The following USP25 variants were observed in gnomAD, a reference collection of about 807,000 sequenced individuals.
USP25 encodes the protein ubiquitin carboxyl-terminal hydrolase 25.
USP25 carries 85 observed loss-of-function variants against 158.5 expected under a neutral mutation model. That is an observed-to-expected ratio of 0.54 (90% CI 0.45 to 0.64). USP25 has a LOEUF of 0.64. USP25 is among the 30% of genes least tolerant of loss of function. The pLI is 0.00. For synonymous variants in USP25, 464 were observed against 460.4 expected (o/e 1.01, Z -0.10); for missense variants, 1,242 against 1,327.3 (o/e 0.94, Z 1.00).
At chr21:15,762,606 A>G (rs1425061664) in intron 1 of USP25, among the ~76,000 whole-genome samples, 1 of 152,208 alleles carries the variant, frequency 6.6e-6, no homozygotes, top group Non-Finnish European at 1.5e-5. Context: ...GAGGGGATGA[A>G]GAAAAGGACA....
intron 2 of USP25, among the ~76,000 whole-genome samples, chr21:15,763,636 A>G (rs2033866667): frequency 6.6e-6 from 1 of 152,176 alleles, no homozygotes; most frequent in Non-Finnish European, 1.5e-5. Flanking sequence ...TATTACTACT[A>G]TAGGCTAAAA....
intron 20 of USP25, among the ~76,000 whole-genome samples, chr21:15,855,049 T>C (rs908637667): frequency 2.0e-5 from 3 of 152,134 alleles, no homozygotes; most frequent in African/African-American, 7.2e-5. Context: ...AAACAAAATA[T>C]TTTCAAAGTA....
chr21:15,858,664 A>T (rs907494204), intron 20 of USP25, among the ~76,000 whole-genome samples: 1 of 151,820 alleles, frequency 6.6e-6, no homozygotes, highest in African/African-American at 2.4e-5. Context: ...TATTGCGGTG[A>T]TCAGAAATTT....
At chr21:15,868,142 C>T (rs1330075557) in intron 22 of USP25, among the ~76,000 whole-genome samples, 3 of 152,216 alleles carry the variant, frequency 2.0e-5, no homozygotes, top group African/African-American at 7.2e-5. Context: ...ATTCCATATG[C>T]AAAAATTCAT....
intron 9 of USP25, 80 bp from the exon 10 acceptor site, chr21:15,818,618 A>C (rs2037070438): frequency 8.1e-7 from 1 of 1,241,598 alleles, no homozygotes; most frequent in Non-Finnish European, 1.1e-6. Flanking sequence ...TTTCAGGTTC[A>C]GGTGAGAATC....
In USP25 at chr21:15,870,094, C is replaced by G. The variant is rs1217249214; in HGVS notation, c.2832C>G (p.Phe944Leu). The change falls in exon 23 of 26, where the codon TTC (phenylalanine) becomes TTG (leucine). Residue 944 changes from phenylalanine to leucine, a missense_variant. Phe to Leu is a conservative substitution (Grantham distance 22). Transcript: ENST00000400183. The part of the protein sequence containing the change: ...YEEWHQDYRK[F>L]RETTMYLIIG... ...AGTGGCATCAGGATTATAGGAAATT[C>G]AGGGAAACAACTATGTATCTCATAA... 6 of 1,609,584 alleles carry G rather than the reference C, an allele frequency of 3.7e-6. No individual in the cohort carries two copies. Among genetic ancestry groups the G allele is most frequent in the Non-Finnish European group, 4.2e-6 (5 of 1,178,004 alleles).
chr21:15,774,623 T>C, intron 3 of USP25, among the ~76,000 whole-genome samples: 1 of 152,204 alleles, frequency 6.6e-6, no homozygotes, highest in Non-Finnish European at 1.5e-5. Flanking sequence ...CATTTTACAC[T>C]AGTTGTTAGC....
At chr21:15,818,335 G>A (rs1450366312) in intron 9 of USP25, among the ~76,000 whole-genome samples, 3 of 152,094 alleles carry the variant, frequency 2.0e-5, no homozygotes, top group African/African-American at 7.2e-5. Context: ...TGGGTATAAT[G>A]TTTTTTAAAT....
Position 15,826,996 on chromosome 21 carries a change from GC to G in USP25, c.1489del (p.Leu497TyrfsTer21). On this transcript the variant is annotated frameshift_variant, in exon 14 of 26. Coordinates refer to ENST00000400183, the MANE Select transcript of USP25 (RefSeq NM_001283041.3). LOFTEE classifies it high-confidence loss of function. The surrounding 1 kb of genome is among the most constrained non-coding windows in gnomAD (Gnocchi z 4.8). ...TLPSTTEQQG[A>X]LSSELPSTSP... Reference sequence around the variant, plus strand: ...ATACAGCACAACAGAACAACAGGGAGCCCTATCTTCAGAACTGCCAAGCACA... The same window carrying G: ...ATACAGCACAACAGAACAACAGGGAGCCTATCTTCAGAACTGCCAAGCACA... 1 of 1,613,822 alleles carries G rather than the reference GC, an allele frequency of 6.2e-7. No homozygotes were observed. Among genetic ancestry groups the G allele is most frequent in the Non-Finnish European group, 8.5e-7 (1 of 1,180,006 alleles).
chr21:15,845,978 G>A (rs139018616), intron 18 of USP25, among the ~76,000 whole-genome samples: 14 of 151,158 alleles, frequency 9.3e-5, no homozygotes, highest in Admixed American at 2.6e-4. Context: ...TAGAACAGCC[G>A]TTACATACCT....
rs149686072 is a variant in USP25, at chr21:15,806,263, A to C, written c.780+1005A>C. ...AAACCATCATTTTCGGGCATTCAGCATTCCTTCTGGTTCTAAATGTGTTTT... is the reference window on the plus strand; with the variant it reads ...AAACCATCATTTTCGGGCATTCAGCCTTCCTTCTGGTTCTAAATGTGTTTT... On this transcript the variant is annotated intron_variant, in intron 7 of 25. Coordinates refer to ENST00000400183, the MANE Select transcript of USP25 (RefSeq NM_001283041.3). Among the ~76,000 whole-genome samples, 245 of 152,160 alleles carry C rather than the reference A, an allele frequency of 1.6e-3. 2 individuals carry two copies. Among genetic ancestry groups the C allele is most frequent in the African/African-American group, 5.8e-3 (239 of 41,526 alleles).
At chr21:15,773,849 A>C (rs1238923060) in intron 3 of USP25, among the ~76,000 whole-genome samples, 1 of 152,208 alleles carries the variant, frequency 6.6e-6, no homozygotes, top group African/African-American at 2.4e-5. Context: ...ACATTTGCTG[A>C]AACAAAATGG....
chr21:15,872,135 AC>A (rs2039921169), intron 23 of USP25, among the ~76,000 whole-genome samples: 1 of 151,286 alleles, frequency 6.6e-6, no homozygotes, highest in Non-Finnish European at 1.5e-5. Flanking sequence ...GAAAATGTAA[AC>A]ATTTAAAGGC....
rs192695000 is a variant in USP25 at position 15,734,429 on chromosome 21, A to C, written c.45+3991A>C. Among the ~76,000 whole-genome samples, 308 of 152,310 alleles carry C rather than the reference A, an allele frequency of 2.0e-3. 2 individuals are homozygous for C. Among genetic ancestry groups the C allele is most frequent in the African/African-American group, 7.3e-3 (303 of 41,560 alleles). On this transcript the variant is annotated intron_variant, in intron 1 of 25. Coordinates refer to ENST00000400183, the MANE Select transcript of USP25 (RefSeq NM_001283041.3). ...TTATTAGGAATCAGTTGATTATCTT[A>C]TTATTAGTATAAGACTTGATTTGGG...
At position 15,809,657 on chromosome 21, in the gene USP25, C is replaced by G. The variant is rs530340537; in HGVS notation, c.857+772C>G. Among the ~76,000 whole-genome samples, 4 of 152,116 alleles carry G rather than the reference C, an allele frequency of 2.6e-5. No homozygotes were observed. In the East Asian group the frequency reaches 7.7e-4, roughly 29 times the overall value. On this transcript the variant is annotated intron_variant, in intron 8 of 25. Transcript: ENST00000400183. ...AGCAATTCTGCTTCTTGGTGTATAT[C>G]CAAAAGAATTGAAAGCAGGGTTTCA...
chr21:15,844,526 C>T (rs143512865), intron 18 of USP25, among the ~76,000 whole-genome samples: 14 of 152,022 alleles, frequency 9.2e-5, no homozygotes, highest in African/African-American at 2.9e-4. Context: ...CAGTCCTAGC[C>T]GCTTTTCAAA....
At chr21:15,837,546 A>T (rs1379748266) in intron 17 of USP25, among the ~76,000 whole-genome samples, 1 of 152,230 alleles carries the variant, frequency 6.6e-6, no homozygotes, top group African/African-American at 2.4e-5. Context: ...AGATCTTCAG[A>T]TAATTCTGAG....
intron 22 of USP25, 71 bp downstream of exon 22, chr21:15,866,415 C>T (rs1312581645): frequency 8.4e-7 from 1 of 1,196,344 alleles, no homozygotes. Flanking sequence ...CCTTTCGTTT[C>T]AGCCCAACTG....
intron 8 of USP25, among the ~76,000 whole-genome samples, chr21:15,809,866 A>C (rs2036572267): frequency 6.6e-6 from 1 of 152,166 alleles, no homozygotes; most frequent in Non-Finnish European, 1.5e-5. Context: ...TGACCCCTTG[A>C]AGATATTATG....
Sources: gnomAD v4.1 joint callset for allele counts (sites outside exome capture counted in the v4.1 genomes callset) on GRCh38, gnomAD v4.1.1 for gene constraint, Gnocchi (gnomAD v3.1) non-coding constraint, MANE v1.5 for transcripts, NCBI Gene and HGNC (gene_info 2026-07-23, HGNC 2026-07-21) for gene names.